UHRF1: variants seen among roughly 807,000 people sequenced by gnomAD.
The protein encoded by UHRF1 is ubiquitin like with PHD and ring finger domains 1, also known as E3 ubiquitin-protein ligase UHRF1.
UHRF1 carries 9 observed loss-of-function variants against 96.5 expected under a neutral mutation model. The observed-to-expected ratio is 0.09, with a 90% CI of 0.06 to 0.16. The LOEUF (loss-of-function observed/expected upper bound fraction) is 0.16. Among genes scored for constraint, UHRF1 ranks in the 10% least tolerant of loss-of-function variants. The pLI, the probability that UHRF1 is intolerant of heterozygous loss-of-function variation, is 1.00. For synonymous variants in UHRF1, 455 were observed against 469.9 expected (o/e 0.97, Z 0.41); for missense variants, 626 against 1,131.1 (o/e 0.55, Z 6.40).
intron 2 of UHRF1, among the ~76,000 whole-genome samples, chr19:4,916,750 G>A (rs147419452): frequency 6.6e-6 from 1 of 152,306 alleles, no homozygotes; most frequent in East Asian, 1.9e-4. Flanking sequence ...CGCACCTGAG[G>A]TTGTCGCAGA....
At position 4,910,939 on chromosome 19, in the gene UHRF1, G is replaced by C; in HGVS notation, c.54G>C (p.Ser18=). The change falls in exon 2 of 17, where the codon TCG becomes TCC. Residue 18 remains serine (S), a synonymous_variant. Coordinates refer to ENST00000650932, the MANE Select transcript of UHRF1 (RefSeq NM_001048201.3). The stretch of plus-strand genomic sequence containing the variant: ...GGAGGCAGACCCACACGGTGGACTC[G>C]CTGTCCAGGCTGACCAAGGTGGAGG... ...MDGRQTHTVD[S]LSRLTKVEEL... 3 of 1,613,570 alleles carry C rather than the reference G, an allele frequency of 1.9e-6. No homozygotes were observed. The highest frequency in any genetic ancestry group is 2.5e-6 in the Non-Finnish European group (3 of 1,179,646).
chr19:4,931,101 T>TCAGTGGCTGAAACTGCCAC (rs1374050304), intron 4 of UHRF1, among the ~76,000 whole-genome samples: 7 of 152,178 alleles, frequency 4.6e-5, no homozygotes, highest in Admixed American at 2.6e-4. Flanking sequence ...TTCTGCTCGA[T>TCAGTGGCTGAAACTGCCAC]CAGTGGCTGA....
intron 5 of UHRF1, among the ~76,000 whole-genome samples, chr19:4,937,996 A>C (rs1268631652): frequency 6.6e-6 from 1 of 152,134 alleles, no homozygotes; most frequent in Non-Finnish European, 1.5e-5. Flanking sequence ...TCTACTAAAA[A>C]TACAAAAATT....
Position 4,932,780 on chromosome 19 carries a change from C to T in UHRF1, c.609C>T (p.Asp203=), listed in dbSNP as rs2307201. The T allele has an allele frequency of 1.4e-3, 2,258 of 1,613,878 alleles. 25 individuals are homozygous for T. The African/African-American group carries it at 0.026, about 18-fold the overall frequency. The change falls in exon 5 of 17, where the codon GAC becomes GAT. Residue 203 remains aspartate (D), a synonymous_variant. Coordinates refer to ENST00000650932, the MANE Select transcript of UHRF1 (RefSeq NM_001048201.3). ...GCGTGGTCCAGATGAACTCCAGGGACGTCCGAGCGCGCGCCCGCACCATCA... is the reference window on the plus strand; with the variant it reads ...GCGTGGTCCAGATGAACTCCAGGGATGTCCGAGCGCGCGCCCGCACCATCA... ...ENGVVQMNSR[D]VRARARTIIK... is the part of the protein sequence containing the mutation.
intron 5 of UHRF1, among the ~76,000 whole-genome samples, chr19:4,935,440 A>G (rs1404037540): frequency 6.6e-6 from 1 of 152,130 alleles, no homozygotes; most frequent in East Asian, 1.9e-4. Flanking sequence ...TTTATTATTT[A>G]GTATGTCTTT....
intron 13 of UHRF1, among the ~76,000 whole-genome samples, 159 bp downstream of exon 13, chr19:4,951,155 A>T (rs2033707984): frequency 6.6e-6 from 1 of 152,164 alleles, no homozygotes; most frequent in Admixed American, 6.5e-5. Flanking sequence ...AATCCCAGCT[A>T]CTGAGGTGGC....
In UHRF1 at chr19:4,942,640, G is replaced by A. The variant is rs111985263; in HGVS notation, c.1073+709G>A. On this transcript the variant is annotated intron_variant, in intron 7 of 16. Coordinates refer to ENST00000650932, the MANE Select transcript of UHRF1 (RefSeq NM_001048201.3). Reference sequence around the variant, plus strand: ...ATTTTTGTATTTTTAGTAGAGACGGGGTTTCACCATCTTGGCCAGGCTGGT... The same window carrying A: ...ATTTTTGTATTTTTAGTAGAGACGGAGTTTCACCATCTTGGCCAGGCTGGT... 2.6e-3 allele frequency among the ~76,000 whole-genome samples: 395 copies of A among 152,030 alleles called. 1 individual carries two copies. The highest frequency in any genetic ancestry group is 8.9e-3 in the African/African-American group (371 of 41,490).
At chr19:4,933,702 G>GC (rs2033130201) in intron 5 of UHRF1, among the ~76,000 whole-genome samples, 1 of 152,046 alleles carries the variant, frequency 6.6e-6, no homozygotes, top group Non-Finnish European at 1.5e-5. Context: ...AAACATACAC[G>GC]CCAAACCACA....
intron 5 of UHRF1, 106 bp from the exon 6 acceptor site, chr19:4,941,422 T>C: frequency 1.2e-6 from 1 of 805,928 alleles, no homozygotes; most frequent in Non-Finnish European, 2.1e-6. Flanking sequence ...GGGGCGTAGC[T>C]GAGCTGTTGC....
intron 7 of UHRF1, among the ~76,000 whole-genome samples, chr19:4,942,230 T>A (rs1448785658): frequency 1.3e-5 from 2 of 151,918 alleles, no homozygotes; most frequent in Non-Finnish European, 1.5e-5. Flanking sequence ...TCTCGCTGTC[T>A]CCCAGGCTGG....
At chr19:4,913,212 A>G (rs1475710000) in intron 2 of UHRF1, among the ~76,000 whole-genome samples, 2 of 151,136 alleles carry the variant, frequency 1.3e-5, no homozygotes, top group East Asian at 1.9e-4. Flanking sequence ...TAGTGTGACA[A>G]TGACAGGAAC....
intron 2 of UHRF1, 107 bp from the exon 3 acceptor site, chr19:4,929,115 C>A (rs955825108): frequency 6.2e-6 from 9 of 1,445,972 alleles, no homozygotes; most frequent in East Asian, 2.3e-5. Context: ...GCAGATTGCC[C>A]CCCCCCCACA....
chr19:4,955,409 CCT>C (rs2033832611), intron 15 of UHRF1, among the ~76,000 whole-genome samples: 1 of 152,124 alleles, frequency 6.6e-6, no homozygotes, highest in African/African-American at 2.4e-5. Flanking sequence ...ACTCTCCCGC[CCT>C]CTCTCGGGAG....
At chr19:4,927,666 A>G (rs930509398) in intron 2 of UHRF1, among the ~76,000 whole-genome samples, 1 of 152,132 alleles carries the variant, frequency 6.6e-6, no homozygotes, top group African/African-American at 2.4e-5. Flanking sequence ...TTCTGCCTCT[A>G]GGGGACACAT....
intron 2 of UHRF1, among the ~76,000 whole-genome samples, chr19:4,912,209 C>G (rs562548861): frequency 2.0e-4 from 30 of 152,286 alleles, no homozygotes; most frequent in Admixed American, 3.3e-4. Context: ...CGGTGCAAGC[C>G]GCGTGTGTGC....
intron 2 of UHRF1, among the ~76,000 whole-genome samples, chr19:4,912,934 A>G (rs2032340806): frequency 6.6e-6 from 1 of 151,680 alleles, no homozygotes; most frequent in African/African-American, 2.4e-5. Flanking sequence ...TAGTTTTTGT[A>G]TCTTTTGTAG....
chr19:4,950,563 G>A lies in UHRF1; in HGVS notation c.1518-48G>A, dbSNP rs189463388. On this transcript the variant is annotated intron_variant, in intron 11 of 16. Coordinates refer to ENST00000650932, the MANE Select transcript of UHRF1 (RefSeq NM_001048201.3). Reference sequence around the variant, plus strand: ...CCGGCTCCTGTGTTTCCTTTTTTGGGGGGTACATCCTCACCTATAATGCGT... The same window carrying A: ...CCGGCTCCTGTGTTTCCTTTTTTGGAGGGTACATCCTCACCTATAATGCGT... 1,122 of 1,568,990 alleles carry A rather than the reference G, an allele frequency of 7.2e-4. 2 individuals are homozygous for A. The highest frequency in any genetic ancestry group is 9.0e-4 in the Non-Finnish European group (1,043 of 1,160,558).
intron 11 of UHRF1, among the ~76,000 whole-genome samples, chr19:4,949,821 T>C (rs1411388636): frequency 6.8e-6 from 1 of 146,736 alleles, no homozygotes; most frequent in Non-Finnish European, 1.5e-5. Context: ...GGTGACAGAG[T>C]GAGACACCCT....
chr19:4,907,356 G>A (rs572668335), upstream of UHRF1, among the ~76,000 whole-genome samples: 5 of 152,166 alleles, frequency 3.3e-5, no homozygotes, highest in Admixed American at 2.6e-4. Context: ...TGGAACCTCC[G>A]CTTCCCAGGT....
Sources: allele counts gnomAD v4.1 joint callset (sites outside exome capture counted in the v4.1 genomes callset), GRCh38; gene constraint gnomAD v4.1.1; transcripts MANE v1.5; gene names NCBI Gene and HGNC (gene_info 2026-07-23, HGNC 2026-07-21).